The following RFXAP variants were observed in gnomAD, a reference collection of about 807,000 sequenced individuals.
The protein encoded by RFXAP is regulatory factor X associated protein, also known as regulatory factor X-associated protein.
Under a neutral mutation model 25.7 loss-of-function variants are expected in RFXAP, and 21 were observed. The observed-to-expected ratio is 0.82, with a 90% CI of 0.58 to 1.18. The LOEUF (loss-of-function observed/expected upper bound fraction) is 1.18, where lower values mean the gene tolerates loss of function less well. Ranked by LOEUF, RFXAP falls within the 50% of genes most tolerant of loss-of-function variation. The pLI is 0.00. For missense variants in RFXAP, 333 were observed against 363.0 expected (o/e 0.92, Z 0.67); for synonymous variants, 161 against 152.2 (o/e 1.06, Z -0.43).
Position 36,823,436 on chromosome 13 carries a change from G to A in RFXAP, c.601-1992G>A, listed in dbSNP as rs368120942. Reference sequence around the variant, plus strand: ...AGTTTTTTATAGTATTGAATGCCAGGCTATGGGATTTGGATTTGGAGTCTT... The same window carrying A: ...AGTTTTTTATAGTATTGAATGCCAGACTATGGGATTTGGATTTGGAGTCTT... On this transcript the variant is annotated intron_variant, in intron 1 of 2. Coordinates refer to ENST00000255476, the MANE Select transcript of RFXAP (RefSeq NM_000538.4). Among the ~76,000 whole-genome samples the A allele has an allele frequency of 7.9e-4, 120 of 152,294 alleles. 2 individuals are homozygous for A. The highest frequency in any genetic ancestry group is 2.7e-3 in the African/African-American group (113 of 41,568).
chr13:36,823,804 ATGAAT>A (rs1474977358), intron 1 of RFXAP, among the ~76,000 whole-genome samples: 1 of 152,190 alleles, frequency 6.6e-6, no homozygotes, highest in African/African-American at 2.4e-5. Context: ...CTAGGGATAA[ATGAAT>A]TGACCTCTGC....
rs145594855 is a variant in RFXAP at position 36,828,601 on chromosome 13, G to A, written c.*848G>A. On this transcript the variant is annotated 3_prime_UTR_variant, in exon 3 of 3. Coordinates refer to ENST00000255476, the MANE Select transcript of RFXAP (RefSeq NM_000538.4). The stretch of plus-strand genomic sequence containing the variant: ...ATAGATCTCAGCCCACCAATGCCAA[G>A]ACAAAATTATTTTTCTTATACTTAT... 1 of 151,916 alleles carries A rather than the reference G, an allele frequency of 6.6e-6. No individual in the cohort carries two copies. The highest frequency in any genetic ancestry group is 2.1e-4 in the South Asian group (1 of 4,810). The allele number at this position is 151,916 out of a possible 1,614,324, so 9.4% of individuals were successfully genotyped here. A position where few individuals can be genotyped will look rare whatever the true frequency, so the allele number is the denominator to read the frequency against.
intron 2 of RFXAP, among the ~76,000 whole-genome samples, chr13:36,826,267 C>G (rs185541670): frequency 2.6e-4 from 40 of 152,040 alleles, no homozygotes; most frequent in Admixed American, 2.6e-3. Flanking sequence ...TACAAAAATT[C>G]CTGTAATTTG....
chr13:36,821,415 C>T (rs779198995), intron 1 of RFXAP, among the ~76,000 whole-genome samples: 1 of 151,868 alleles, frequency 6.6e-6, no homozygotes, highest in Non-Finnish European at 1.5e-5. Context: ...AAGCCCAGAA[C>T]TTGGGGAGGC....
At position 36,825,540 on chromosome 13, in the gene RFXAP, A is replaced by T; in HGVS notation, c.708+5A>T. On this transcript the variant is annotated splice_donor_5th_base_variant and intron_variant, in intron 2 of 2. Transcript: ENST00000255476. ...GTGTTAAATCAAAAAAGACTGGTAA[A>T]TATCTGTTTGTAAATCAGTTATAAA... The T allele has an allele frequency of 1.3e-6, 2 of 1,580,528 alleles. No homozygotes were observed. Among genetic ancestry groups the T allele is most frequent in the Non-Finnish European group, 1.7e-6 (2 of 1,151,878 alleles).
At chr13:36,825,985 G>A (rs2057976795) in intron 2 of RFXAP, among the ~76,000 whole-genome samples, 1 of 152,048 alleles carries the variant, frequency 6.6e-6, no homozygotes, top group South Asian at 2.1e-4. Context: ...ACCATTCTGG[G>A]CAACGTAGCG....
chr13:36,826,163 C>G (rs1046093864), intron 2 of RFXAP, among the ~76,000 whole-genome samples: 2 of 152,058 alleles, frequency 1.3e-5, no homozygotes, highest in African/African-American at 4.8e-5. Flanking sequence ...ACAGAGCACC[C>G]TATAAATCAT....
intron 1 of RFXAP, among the ~76,000 whole-genome samples, chr13:36,821,881 G>A (rs2057963900): frequency 6.6e-6 from 1 of 151,944 alleles, no homozygotes; most frequent in Non-Finnish European, 1.5e-5. Flanking sequence ...AATGGGCTCA[G>A]GACTTCTGTA....
intron 1 of RFXAP, among the ~76,000 whole-genome samples, chr13:36,821,511 A>G (rs1459853568): frequency 2.0e-5 from 3 of 151,966 alleles, no homozygotes; most frequent in Non-Finnish European, 2.9e-5. Context: ...AAAATTTTAA[A>G]AATTAGCCAG....
At chr13:36,823,852 G>GCTAT (rs1014530578) in intron 1 of RFXAP, among the ~76,000 whole-genome samples, 3 of 152,034 alleles carry the variant, frequency 2.0e-5, no homozygotes, top group African/African-American at 7.2e-5. Context: ...TATCTAAAAA[G>GCTAT]CTATCATTTA....
rs1006585425 is a variant in RFXAP at position 36,820,099 on chromosome 13, G to A, written c.600+142G>A. The A allele has an allele frequency of 1.1e-5, 14 of 1,254,564 alleles. No homozygotes were observed. In the African/African-American group the frequency reaches 2.1e-4, roughly 19 times the overall value. 77.7% of individuals were successfully genotyped at this position (1,254,564 alleles called of 1,614,324 possible). On this transcript the variant is annotated intron_variant, in intron 1 of 2. Transcript: ENST00000255476. ...TGGGTTAGTGGTTGAGAATTAGAGT[G>A]TTTGCCCTAAATTAAAGTTTATACC... is the stretch of plus-strand genomic sequence containing the variant.
At position 36,825,881 on chromosome 13, in the gene RFXAP, T is replaced by G. The variant is rs1212031496; in HGVS notation, c.708+346T>G. ...TTAACGTGTCTGGTATTTTATCACATAAAATATTCCTGGTTGGGCATTGTG... is the reference window on the plus strand; with the variant it reads ...TTAACGTGTCTGGTATTTTATCACAGAAAATATTCCTGGTTGGGCATTGTG... On this transcript the variant is annotated intron_variant, in intron 2 of 2. Transcript: ENST00000255476. 2.7e-5 allele frequency among the ~76,000 whole-genome samples: 4 copies of G among 149,194 alleles called. No individual in the cohort carries two copies. In the East Asian group the frequency reaches 7.7e-4, roughly 29 times the overall value.
Position 36,819,241 on chromosome 13 carries a change from T to A in RFXAP, c.-117T>A. ...TCGCGCAGGCGCAGTCGGGGCGCCT[T>A]CCCGGTATAGGCGCCTTTTACCCCA... On this transcript the variant is annotated 5_prime_UTR_variant, in exon 1 of 3. Coordinates refer to ENST00000255476, the MANE Select transcript of RFXAP (RefSeq NM_000538.4). The A allele has an allele frequency of 4.7e-6, 5 of 1,071,328 alleles. No individual in the cohort carries two copies. Among genetic ancestry groups the A allele is most frequent in the Non-Finnish European group, 5.9e-6 (5 of 848,164 alleles). The allele number at this position is 1,071,328 out of a possible 1,614,324, so 66.4% of individuals were successfully genotyped here. A position where few individuals can be genotyped will look rare whatever the true frequency, so the allele number is the denominator to read the frequency against.
chr13:36,820,096 A>T, intron 1 of RFXAP, 139 bp downstream of exon 1: 1 of 1,274,262 alleles, frequency 7.8e-7, no homozygotes, highest in Non-Finnish European at 1.1e-6. Flanking sequence ...TGAGAATTAG[A>T]GTGTTTGCCC....
intron 1 of RFXAP, 83 bp downstream of exon 1, chr13:36,820,040 C>T: frequency 1.9e-6 from 3 of 1,556,754 alleles, no homozygotes; most frequent in African/African-American, 1.4e-5. Context: ...CAGGGCCTGC[C>T]TCCCCACTTC....
Position 36,827,792 on chromosome 13 carries a change from A to G in RFXAP, c.*39A>G. The G allele has an allele frequency of 1.4e-6, 2 of 1,449,464 alleles. No individual in the cohort carries two copies. Among genetic ancestry groups the G allele is most frequent in the Non-Finnish European group, 1.9e-6 (2 of 1,031,428 alleles). The allele number at this position is 1,449,464 out of a possible 1,614,324, so 89.8% of individuals were successfully genotyped here. On this transcript the variant is annotated 3_prime_UTR_variant, in exon 3 of 3. Coordinates refer to ENST00000255476, the MANE Select transcript of RFXAP (RefSeq NM_000538.4). ...GAACATCTACATGGTTTTTTATCTT[A>G]TTGTAATAGATGAGCATATTTTTTT... is the stretch of plus-strand genomic sequence containing the variant.
intron 2 of RFXAP, 74 bp from the exon 3 acceptor site, chr13:36,827,569 C>T: frequency 9.5e-7 from 1 of 1,050,238 alleles, no homozygotes; most frequent in Non-Finnish European, 1.5e-6. Context: ...AGGGACACAT[C>T]AGAGTAATTA....
chr13:36,820,939 C>T (rs1178383857), intron 1 of RFXAP, among the ~76,000 whole-genome samples: 1 of 152,102 alleles, frequency 6.6e-6, no homozygotes, highest in South Asian at 2.1e-4. Context: ...AAACCTTACC[C>T]ATTATTATTG....
chr13:36,820,637 C>G (rs1226297022), intron 1 of RFXAP, among the ~76,000 whole-genome samples: 2 of 152,146 alleles, frequency 1.3e-5, no homozygotes, highest in African/African-American at 4.8e-5. Context: ...CTCACTACCC[C>G]TTTTCTTAGT....
Sources: allele counts gnomAD v4.1 joint callset (sites outside exome capture counted in the v4.1 genomes callset), GRCh38; gene constraint gnomAD v4.1.1; transcripts MANE v1.5; gene names NCBI Gene and HGNC (gene_info 2026-07-23, HGNC 2026-07-21).